COBLL1: variants seen among roughly 807,000 people sequenced by gnomAD.
COBLL1 encodes the protein cordon-bleu protein-like 1.
A neutral mutation model predicts 94.8 loss-of-function variants in COBLL1; 50 were observed. The ratio of observed to expected loss-of-function variants is 0.53; its 90% CI spans 0.42 to 0.67. COBLL1 has a LOEUF of 0.67. COBLL1 is among the 30% of genes least tolerant of loss of function. The probability of loss-of-function intolerance (pLI) is 0.00; values close to 1 mark genes in which losing one functional copy is unlikely to be tolerated. For synonymous variants in COBLL1, 448 were observed against 473.8 expected (o/e 0.95, Z 0.71); for missense variants, 1,362 against 1,348.7 (o/e 1.01, Z -0.15).
chr2:164,766,483 C>T (rs1243433602), intron 2 of COBLL1, among the ~76,000 whole-genome samples: 2 of 152,110 alleles, frequency 1.3e-5, no homozygotes, highest in African/African-American at 4.8e-5. Context: ...TTTGCTCTTC[C>T]TCCTGCTCCA....
At position 164,699,426 on chromosome 2, in the gene COBLL1, A is replaced by G. The variant is rs776313992; in HGVS notation, c.1534T>C (p.Leu512=). The change falls in exon 11 of 14, where the codon TTG becomes CTG. Residue 512 remains leucine (L), a synonymous_variant. Transcript: ENST00000652658. ...VVDSIRNLKS[L]GPNQENVVQN... is the part of the protein sequence containing the mutation. ...TCACCATTCTCTTGGTTTGGGCCCA[A>G]CGACTTCAAGTTTCTTATACTGTCA... 3 of 1,611,140 alleles carry G rather than the reference A, an allele frequency of 1.9e-6. No individual in the cohort carries two copies. Among genetic ancestry groups the G allele is most frequent in the Non-Finnish European group, 2.5e-6 (3 of 1,177,432 alleles).
chr2:164,676,282 A>T (rs894576791), downstream of COBLL1, among the ~76,000 whole-genome samples: 1 of 152,182 alleles, frequency 6.6e-6, no homozygotes, highest in Non-Finnish European at 1.5e-5. Flanking sequence ...TTCACTAAAC[A>T]CACACATATA....
rs1683794663 is a variant in COBLL1, at chr2:164,694,507, T to C, written c.2885A>G (p.Gln962Arg). 6.2e-7 allele frequency: 1 copy of C among 1,614,018 alleles called. No homozygotes were observed. Among genetic ancestry groups the C allele is most frequent in the Non-Finnish European group, 8.5e-7 (1 of 1,179,934 alleles). Residue 962 changes from glutamine to arginine, a missense_variant, in exon 12 of 14, where the codon CAG becomes CGG. Transcript: ENST00000652658. The part of the protein sequence containing the change: ...APKPVTIPAS[Q>R]VSTQNLKTLK... ...AGTCTTCAGATTTTGTGTGGATACC[T>C]GACTAGCAGGAATTGTCACAGGTTT...
At chr2:164,660,962 G>T (rs1691060978) in intron 2 of COBLL1, among the ~76,000 whole-genome samples, 2 of 152,054 alleles carry the variant, frequency 1.3e-5, no homozygotes, top group East Asian at 3.9e-4. Flanking sequence ...ATTGATTTTA[G>T]ATAGTATTTT....
chr2:164,764,115 C>G (rs1409239376), intron 2 of COBLL1, among the ~76,000 whole-genome samples: 4 of 152,158 alleles, frequency 2.6e-5, no homozygotes, highest in Admixed American at 2.6e-4. Context: ...TCAGAGTGGT[C>G]TTGAACTGTT....
At chr2:164,704,345 A>T (rs887486584) in intron 9 of COBLL1, 99 bp downstream of exon 9, 1 of 816,780 alleles carries the variant, frequency 1.2e-6, no homozygotes, top group Non-Finnish European at 2.1e-6. Context: ...AAGAATCTGT[A>T]TCTCTTTCAT....
At chr2:164,836,494 G>C (rs143665725) in intron 2 of COBLL1, among the ~76,000 whole-genome samples, 401 of 152,216 alleles carry the variant, frequency 2.6e-3, no homozygotes, top group African/African-American at 9.2e-3. Context: ...ACTATGAAAA[G>C]CATAGGTTTG....
At chr2:164,819,502 C>T (rs1685051800) in intron 2 of COBLL1, among the ~76,000 whole-genome samples, 2 of 152,014 alleles carry the variant, frequency 1.3e-5, no homozygotes, top group African/African-American at 4.8e-5. Flanking sequence ...ATACTGGAAA[C>T]CACCAAAATT....
Position 164,763,368 on chromosome 2 carries a change from C to T in COBLL1, c.42-19493G>A, listed in dbSNP as rs138893604. 5.5e-3 allele frequency among the ~76,000 whole-genome samples: 835 copies of T among 152,162 alleles called. 11 individuals are homozygous for T. The highest frequency in any genetic ancestry group is 0.019 in the African/African-American group (786 of 41,510). On this transcript the variant is annotated intron_variant, in intron 2 of 13. Coordinates refer to ENST00000652658, the MANE Select transcript of COBLL1 (RefSeq NM_001365672.2). ...GTATGGTTGGGAAAAGAAGCACTCT[C>T]ATACCTTGCTGGTGGGAGACCAAAA...
Position 164,805,329 on chromosome 2 carries a change from CTCTCTCTCTATATATATATATA to C in COBLL1, c.41+35805_41+35826del, listed in dbSNP as rs1684058269. Among the ~76,000 whole-genome samples the C allele has an allele frequency of 2.2e-4, 5 of 22,674 alleles. 2 individuals carry two copies. Among genetic ancestry groups the C allele is most frequent in the African/African-American group, 8.4e-4 (5 of 5,930 alleles). 14.9% of individuals were successfully genotyped at this position (22,674 alleles called of 152,430 possible). A position where few individuals can be genotyped will look rare whatever the true frequency, so the allele number is the denominator to read the frequency against. ...TCTCTCTCTCTCTCTCTCTCTCTCT[CTCTCTCTCTATATATATATATA>C]TATATATATATAAAACTAAAGTTCA... On this transcript the variant is annotated intron_variant, in intron 2 of 13. Transcript: ENST00000652658.
chr2:164,836,020 T>A (rs1043687518), intron 2 of COBLL1, among the ~76,000 whole-genome samples: 1 of 152,130 alleles, frequency 6.6e-6, no homozygotes, highest in Admixed American at 6.5e-5. Flanking sequence ...ATCTGGCGTT[T>A]CAGTACAAAT....
Position 164,695,375 on chromosome 2 carries a change from C to T in COBLL1, c.2017G>A (p.Val673Ile), listed in dbSNP as rs181143305. 3.0e-5 allele frequency: 48 copies of T among 1,613,916 alleles called. 1 individual carries two copies. Among genetic ancestry groups the T allele is most frequent in the South Asian group, 9.9e-5 (9 of 91,076 alleles). Reference sequence around the variant, plus strand: ...CCATGTGCACAAATTGGATCTTTTACGGTAAGCGGATCTTCTGAATGTATA... The same window carrying T: ...CCATGTGCACAAATTGGATCTTTTATGGTAAGCGGATCTTCTGAATGTATA... ...LIIHSEDPLT[V>I]KDPICAHGND... Residue 673 changes from valine to isoleucine, a missense_variant, in exon 12 of 14, where the codon GTA becomes ATA. Val to Ile is a conservative substitution (Grantham distance 29). Transcript: ENST00000652658.
intron 9 of COBLL1, chr2:164,703,001 A>G: frequency 1.5e-6 from 1 of 655,602 alleles, no homozygotes; most frequent in South Asian, 2.2e-5. Context: ...TTTCTTTATA[A>G]AATATGTTTA....
intron 2 of COBLL1, among the ~76,000 whole-genome samples, chr2:164,825,195 A>G (rs1685365334): frequency 2.0e-5 from 3 of 152,108 alleles, no homozygotes; most frequent in African/African-American, 7.2e-5. Context: ...GCCACTGGTC[A>G]CTGTTCTTAA....
At chr2:164,672,661 T>C (rs1691261798) in intron 1 of COBLL1, among the ~76,000 whole-genome samples, 1 of 130,614 alleles carries the variant, frequency 7.7e-6, no homozygotes, top group Non-Finnish European at 1.5e-5. Context: ...ATTGCGCCAC[T>C]GCAGTCCGCA....
At chr2:164,745,163 G>A (rs6729466) in intron 2 of COBLL1, among the ~76,000 whole-genome samples, 17,867 of 151,948 alleles carry the variant, frequency 0.12, 1,363 homozygotes, top group Non-Finnish European at 0.16. Context: ...CCACCTATTC[G>A]GTATTTTCAA....
At chr2:164,714,370 G>T in intron 7 of COBLL1, among the ~76,000 whole-genome samples, 1 of 114,410 alleles carries the variant, frequency 8.7e-6, no homozygotes, top group Admixed American at 8.8e-5. Flanking sequence ...CATCTTGGAT[G>T]AAAAAAAAAA....
In COBLL1 at chr2:164,693,024, T is replaced by G. The variant is rs554681458; in HGVS notation, c.3124-627A>C. 3.9e-5 allele frequency among the ~76,000 whole-genome samples: 6 copies of G among 152,280 alleles called. No individual in the cohort carries two copies. The South Asian group carries it at 1.2e-3, about 32-fold the overall frequency. Reference sequence around the variant, plus strand: ...TGAAGACTAAAAAATTTAATTACGCTTCTCAGGAAGGAATATTTAGTAACT... The same window carrying G: ...TGAAGACTAAAAAATTTAATTACGCGTCTCAGGAAGGAATATTTAGTAACT... On this transcript the variant is annotated intron_variant, in intron 12 of 13. Transcript: ENST00000652658.
intron 2 of COBLL1, among the ~76,000 whole-genome samples, chr2:164,795,883 A>T (rs529700484): frequency 1.3e-5 from 2 of 152,332 alleles, no homozygotes; most frequent in East Asian, 3.9e-4. Flanking sequence ...CAGTGAATCA[A>T]ACATAAGAAG....
Sources: gnomAD v4.1 joint callset for allele counts (sites outside exome capture counted in the v4.1 genomes callset) on GRCh38, gnomAD v4.1.1 for gene constraint, MANE v1.5 for transcripts, NCBI Gene and HGNC (gene_info 2026-07-23, HGNC 2026-07-21) for gene names.